EFCAB11: variants seen among roughly 807,000 people sequenced by gnomAD.
EFCAB11 encodes EF-hand calcium-binding domain-containing protein 11.
EFCAB11 carries 14 observed loss-of-function variants against 23.0 expected under a neutral mutation model. The observed-to-expected ratio is 0.61, with a 90% CI of 0.40 to 0.95. The LOEUF (loss-of-function observed/expected upper bound fraction) is 0.95. EFCAB11 is among the 40% of genes least tolerant of loss of function. The pLI, the probability that EFCAB11 is intolerant of heterozygous loss-of-function variation, is 0.00. For synonymous variants in EFCAB11, 65 were observed against 66.6 expected, an observed-to-expected ratio of 0.98 and a Z score of 0.11; for missense variants, 198 against 195.8, an observed-to-expected ratio of 1.01 and a Z score of -0.07.
At chr14:89,952,797 A>G (rs1891217077) in intron 2 of EFCAB11, among the ~76,000 whole-genome samples, 1 of 152,154 alleles carries the variant, frequency 6.6e-6, no homozygotes, top group Non-Finnish European at 1.5e-5. Flanking sequence ...ATTAACTGCC[A>G]AGCTGTCTGG....
chr14:89,914,753 C>A (rs1365843216), intron 5 of EFCAB11, among the ~76,000 whole-genome samples: 3 of 151,764 alleles, frequency 2.0e-5, no homozygotes, highest in Admixed American at 6.6e-5. Flanking sequence ...CCACTGCACT[C>A]CAGCCTGGGC....
intron 5 of EFCAB11, among the ~76,000 whole-genome samples, chr14:89,894,317 T>C (rs924399571): frequency 6.6e-6 from 1 of 151,936 alleles, no homozygotes; most frequent in African/African-American, 2.4e-5. Context: ...GTTACATAGG[T>C]ATACAAGTGC....
intron 3 of EFCAB11, among the ~76,000 whole-genome samples, chr14:89,946,975 T>C (rs1891008762): frequency 6.6e-6 from 1 of 152,216 alleles, no homozygotes; most frequent in Non-Finnish European, 1.5e-5. Flanking sequence ...GGAAAGATAC[T>C]ATTAAGGATG....
chr14:89,833,771 T>C (rs572917146), intron 5 of EFCAB11, among the ~76,000 whole-genome samples: 20 of 152,358 alleles, frequency 1.3e-4, no homozygotes, highest in African/African-American at 4.1e-4. Flanking sequence ...GGTTTCTTTC[T>C]CAGAACTGCA....
intron 3 of EFCAB11, among the ~76,000 whole-genome samples, chr14:89,933,583 T>C (rs533218589): frequency 2.3e-4 from 35 of 152,352 alleles, no homozygotes; most frequent in Admixed American, 1.4e-3. Context: ...ATTTAAAGAT[T>C]TATAAACTGA....
At chr14:89,854,837 A>C (rs1887701744) in intron 5 of EFCAB11, among the ~76,000 whole-genome samples, 1 of 152,072 alleles carries the variant, frequency 6.6e-6, no homozygotes, top group Admixed American at 6.6e-5. Flanking sequence ...TTTAGACATG[A>C]AATATTTGAA....
intron 5 of EFCAB11, among the ~76,000 whole-genome samples, chr14:89,915,197 G>A (rs892652020): frequency 2.0e-5 from 3 of 152,182 alleles, no homozygotes; most frequent in African/African-American, 7.2e-5. Context: ...GATGGAGTCA[G>A]ATGTTACACA....
At chr14:89,875,947 A>T (rs1189909244) in intron 5 of EFCAB11, among the ~76,000 whole-genome samples, 1 of 152,210 alleles carries the variant, frequency 6.6e-6, no homozygotes, top group Non-Finnish European at 1.5e-5. Flanking sequence ...CCAAGAGAGC[A>T]GTGTCAGATG....
intron 5 of EFCAB11, among the ~76,000 whole-genome samples, chr14:89,910,677 G>A (rs532220998): frequency 7.2e-5 from 11 of 152,002 alleles, no homozygotes; most frequent in East Asian, 5.8e-4. Flanking sequence ...TCTAAGTTTC[G>A]TCACTGAATG....
intron 5 of EFCAB11, among the ~76,000 whole-genome samples, chr14:89,854,177 T>C (rs1296230354): frequency 1.3e-5 from 2 of 148,308 alleles, no homozygotes; most frequent in African/African-American, 2.5e-5. Context: ...AAGATAAGCA[T>C]GAATTTGCGG....
intron 5 of EFCAB11, among the ~76,000 whole-genome samples, chr14:89,823,278 A>C (rs1229626710): frequency 6.6e-6 from 1 of 152,204 alleles, no homozygotes; most frequent in Non-Finnish European, 1.5e-5. Context: ...AGCCTGTAAG[A>C]AAATGAGTAC....
At chr14:89,813,590 G>A (rs1566768129) in intron 5 of EFCAB11, among the ~76,000 whole-genome samples, 1 of 151,738 alleles carries the variant, frequency 6.6e-6, no homozygotes, top group Non-Finnish European at 1.5e-5. Context: ...ATTCTATGAG[G>A]AGCATTTGTT....
At chr14:89,842,619 TATGATATG>T (rs1171780629) in intron 5 of EFCAB11, among the ~76,000 whole-genome samples, 1 of 151,180 alleles carries the variant, frequency 6.6e-6, no homozygotes, top group African/African-American at 2.5e-5. Context: ...TATGATATGA[TATGATATG>T]ATATGATATG....
chr14:89,809,280 C>T (rs1372067747), intron 5 of EFCAB11, among the ~76,000 whole-genome samples: 1 of 152,148 alleles, frequency 6.6e-6, no homozygotes, highest in Non-Finnish European at 1.5e-5. Context: ...TTCAATAATG[C>T]GTAAATCACT....
chr14:89,910,466 C>T (rs934663924), intron 5 of EFCAB11, among the ~76,000 whole-genome samples: 7 of 152,100 alleles, frequency 4.6e-5, no homozygotes, highest in Non-Finnish European at 8.8e-5. Flanking sequence ...GGTGTGATGG[C>T]GGGCACCTGT....
intron 5 of EFCAB11, among the ~76,000 whole-genome samples, chr14:89,911,805 G>A (rs1889686461): frequency 6.6e-6 from 1 of 152,212 alleles, no homozygotes; most frequent in African/African-American, 2.4e-5. Flanking sequence ...GTTGTGGCCT[G>A]TAGTAGTCAT....
chr14:89,947,665 T>C (rs1263491027), intron 3 of EFCAB11, among the ~76,000 whole-genome samples: 1 of 152,200 alleles, frequency 6.6e-6, no homozygotes, highest in Non-Finnish European at 1.5e-5. Context: ...TATCTACTTC[T>C]CTTGGCTTTT....
intron 5 of EFCAB11, among the ~76,000 whole-genome samples, chr14:89,917,601 C>T (rs189378372): frequency 1.3e-5 from 2 of 152,252 alleles, no homozygotes; most frequent in Admixed American, 6.5e-5. Context: ...TCTACTCCAT[C>T]ATTATCATTA....
chr14:89,919,204 CAGAGAGAG>C (rs61549850), intron 5 of EFCAB11, among the ~76,000 whole-genome samples: 5 of 147,764 alleles, frequency 3.4e-5, no homozygotes, highest in South Asian at 2.2e-4. Context: ...GAGAGAGAGA[CAGAGAGAG>C]AGAGAGAGAG....
Sources: allele counts gnomAD v4.1 joint callset (sites outside exome capture counted in the v4.1 genomes callset), GRCh38; gene constraint gnomAD v4.1.1; transcripts MANE v1.5; gene names NCBI Gene and HGNC (gene_info 2026-07-23, HGNC 2026-07-21).